TSNARE1: variants seen among roughly 807,000 people sequenced by gnomAD.
The protein encoded by TSNARE1 is t-SNARE domain-containing protein 1.
A neutral mutation model predicts 62.0 loss-of-function variants in TSNARE1; 49 were observed. The observed-to-expected ratio is 0.79, with a 90% CI of 0.63 to 1.00. TSNARE1 has a LOEUF of 1.00. Among genes scored for constraint, TSNARE1 ranks in the 50% least tolerant of loss-of-function variants. TSNARE1 has a pLI of 0.00. For missense variants in TSNARE1, 755 were observed against 700.1 expected (o/e 1.08, Z -0.88); for synonymous variants, 328 against 294.4 (o/e 1.11, Z -1.17).
intron 6 of TSNARE1, among the ~76,000 whole-genome samples, chr8:142,329,351 T>C (rs1261629604): frequency 6.6e-6 from 1 of 152,112 alleles, no homozygotes; most frequent in Non-Finnish European, 1.5e-5. Flanking sequence ...GGGTCCCCTC[T>C]CCTCTCCGAG....
In TSNARE1 at chr8:142,354,702, C is replaced by T. The variant is rs189103533; in HGVS notation, c.23G>A (p.Arg8His). The T allele has an allele frequency of 7.3e-5, 118 of 1,613,588 alleles. No homozygotes were observed. Among genetic ancestry groups the T allele is most frequent in the East Asian group, 7.1e-4 (32 of 44,844 alleles). The change falls in exon 2 of 14, where the codon CGT becomes CAT. Residue 8 changes from arginine to histidine, a missense_variant. By Grantham distance (29) the Arg-to-His change is conservative. Transcript: ENST00000524325. MSYGSIARGGGLGSRGPF... is the reference protein window; with the variant it reads MSYGSIAHGGGLGSRGPF... The stretch of plus-strand genomic sequence containing the variant: ...GCCACGGCTCCCCAGGCCACCTCCA[C>T]GGGCGATGGATCCGTATGACATCTT...
chr8:142,294,028 C>T (rs1824256458), intron 10 of TSNARE1, among the ~76,000 whole-genome samples: 1 of 152,144 alleles, frequency 6.6e-6, no homozygotes, highest in Admixed American at 6.5e-5. Context: ...GGGACAGGGG[C>T]AGGGGCAGCC....
intron 1 of TSNARE1, among the ~76,000 whole-genome samples, chr8:142,374,149 CAA>C (rs1262347307): frequency 6.6e-6 from 1 of 151,472 alleles, no homozygotes; most frequent in Non-Finnish European, 1.5e-5. Context: ...ACTAAAAATA[CAA>C]AAGTTAGCCA....
intron 9 of TSNARE1, among the ~76,000 whole-genome samples, chr8:142,307,334 T>C (rs1335895668): frequency 2.0e-5 from 3 of 152,208 alleles, no homozygotes; most frequent in Non-Finnish European, 4.4e-5. Context: ...GTGTTCCAGG[T>C]TGTGTCACTG....
chr8:142,271,229 G>C, intron 12 of TSNARE1: 1 of 1,007,258 alleles, frequency 9.9e-7, no homozygotes, highest in Non-Finnish European at 1.2e-6. Flanking sequence ...TGAGGGTGAG[G>C]CTTCCCGGGT....
intron 1 of TSNARE1, among the ~76,000 whole-genome samples, chr8:142,385,465 A>G (rs1270578554): frequency 6.6e-6 from 1 of 152,248 alleles, no homozygotes; most frequent in Non-Finnish European, 1.5e-5. Flanking sequence ...TTTAAGACTA[A>G]AACAAATGTG....
At chr8:142,406,190 G>C (rs1838582545), upstream of TSNARE1, 1 of 152,350 alleles carries the variant, frequency 6.6e-6, no homozygotes, top group Non-Finnish European at 1.5e-5. Flanking sequence ...GATGTGAGCA[G>C]CTGCCTTGGT....
At position 142,257,288 on chromosome 8, in the gene TSNARE1, G is replaced by C. The variant is rs141438049; in HGVS notation, c.1446+17493C>G. ...TAGCTGAGCATGCAAAGATGGAGGG[G>C]CAGATTGGACAGGACAAGGTCCTCT... On this transcript the variant is annotated intron_variant, in intron 12 of 13. Transcript: ENST00000524325. 6.6e-4 allele frequency among the ~76,000 whole-genome samples: 101 copies of C among 152,326 alleles called. No individual in the cohort carries two copies. The East Asian group carries it at 0.017, about 26-fold the overall frequency.
At chr8:142,317,506 T>C (rs1338702410) in intron 7 of TSNARE1, among the ~76,000 whole-genome samples, 2 of 152,246 alleles carry the variant, frequency 1.3e-5, no homozygotes, top group African/African-American at 4.8e-5. Flanking sequence ...ACTGTGCTTA[T>C]GAAGCGGGTT....
intron 13 of TSNARE1, among the ~76,000 whole-genome samples, chr8:142,227,156 C>A (rs530581267): frequency 6.6e-6 from 1 of 150,476 alleles, no homozygotes; most frequent in Non-Finnish European, 1.5e-5. Flanking sequence ...CAGTGACAGC[C>A]AGGACCTCCA....
chr8:142,395,683 G>A (rs1246643333), intron 1 of TSNARE1, among the ~76,000 whole-genome samples: 3 of 152,192 alleles, frequency 2.0e-5, no homozygotes, highest in East Asian at 1.9e-4. Context: ...CAGAAGCAAC[G>A]GTTCTCCCCA....
intron 12 of TSNARE1, among the ~76,000 whole-genome samples, chr8:142,248,042 C>A (rs2130253336): frequency 6.6e-6 from 1 of 152,332 alleles, no homozygotes; most frequent in African/African-American, 2.4e-5. Context: ...GGTGTTACCA[C>A]CGTGACGGTA....
At chr8:142,269,569 T>C (rs1395519788) in intron 12 of TSNARE1, 1 of 984,072 alleles carries the variant, frequency 1.0e-6, no homozygotes, top group East Asian at 1.1e-4. Context: ...CCTCAAGTGA[T>C]CTTCCTGCCT....
chr8:142,236,853 GA>G (rs2130142780), intron 12 of TSNARE1, among the ~76,000 whole-genome samples: 1 of 152,304 alleles, frequency 6.6e-6, no homozygotes, highest in South Asian at 2.1e-4. Context: ...AGGAAACAAA[GA>G]CCCCGCCCTG....
At chr8:142,385,432 C>T (rs1161352821) in intron 1 of TSNARE1, among the ~76,000 whole-genome samples, 1 of 152,198 alleles carries the variant, frequency 6.6e-6, no homozygotes, top group Admixed American at 6.5e-5. Context: ...TGAGCATGAA[C>T]TATTAATATA....
intron 1 of TSNARE1, among the ~76,000 whole-genome samples, chr8:142,374,202 G>A (rs1398711288): frequency 6.6e-6 from 1 of 151,834 alleles, no homozygotes; most frequent in Admixed American, 6.6e-5. Context: ...TACTGGGGAG[G>A]CTGAGGCAGG....
At chr8:142,307,686 G>A (rs1402907851) in intron 9 of TSNARE1, among the ~76,000 whole-genome samples, 1 of 152,204 alleles carries the variant, frequency 6.6e-6, no homozygotes, top group Non-Finnish European at 1.5e-5. Context: ...TCTGAGTGGT[G>A]GAATCCATGG....
At chr8:142,260,997 G>GA (rs374513509) in intron 12 of TSNARE1, among the ~76,000 whole-genome samples, 2 of 1,198 alleles carry the variant, frequency 1.7e-3, no homozygotes, top group Non-Finnish European at 3.4e-3. Flanking sequence ...GAGAGGGAGG[G>GA]GGGTGGGGAG....
chr8:142,282,442 A>C (rs563320511), intron 11 of TSNARE1, among the ~76,000 whole-genome samples: 28 of 151,626 alleles, frequency 1.8e-4, no homozygotes, highest in African/African-American at 6.5e-4. Flanking sequence ...AGCAGGGGCC[A>C]GTGTCTATCA....
Sources: gnomAD v4.1 joint callset for allele counts (sites outside exome capture counted in the v4.1 genomes callset) on GRCh38, gnomAD v4.1.1 for gene constraint, MANE v1.5 for transcripts, NCBI Gene and HGNC (gene_info 2026-07-23, HGNC 2026-07-21) for gene names.